NAV1: variants seen among roughly 807,000 people sequenced by gnomAD.
NAV1 encodes the protein pore membrane and/or filament interacting like protein 3.
In NAV1, 18 loss-of-function variants were observed where a neutral mutation model predicts 175.2. The ratio of observed to expected loss-of-function variants is 0.10; its 90% CI spans 0.07 to 0.15. The LOEUF is 0.15. NAV1 is among the 10% of genes least tolerant of loss of function. NAV1 has a pLI of 1.00. For missense variants in NAV1, 1,731 were observed against 2,436.6 expected (o/e 0.71, Z 6.10); for synonymous variants, 897 against 978.7 (o/e 0.92, Z 1.56).
chr1:201,765,715 C>T (rs992648284), intron 3 of NAV1, among the ~76,000 whole-genome samples: 6 of 152,136 alleles, frequency 3.9e-5, no homozygotes, highest in African/African-American at 1.4e-4. Flanking sequence ...TTACAAAATT[C>T]GTGGTAGTAA....
intron 3 of NAV1, among the ~76,000 whole-genome samples, chr1:201,746,575 C>T (rs1673780051): frequency 6.6e-6 from 1 of 152,150 alleles, no homozygotes; most frequent in South Asian, 2.1e-4. Flanking sequence ...TGGGGAATAA[C>T]AGTAGCTGGA....
chr1:201,673,800 G>T (rs1457726826), intron 1 of NAV1: 1 of 152,240 alleles, frequency 6.6e-6, no homozygotes, highest in Non-Finnish European at 1.5e-5. Context: ...CCCAAGAGTT[G>T]CACTTTGTAA....
At chr1:201,556,301 C>T (rs1666008774) in intron 1 of NAV1, among the ~76,000 whole-genome samples, 1 of 151,878 alleles carries the variant, frequency 6.6e-6, no homozygotes, top group East Asian at 1.9e-4. Context: ...GTCTGTAGTC[C>T]CAGCTACTCG....
chr1:201,748,318 T>C (rs529906828), intron 3 of NAV1, among the ~76,000 whole-genome samples: 1 of 152,330 alleles, frequency 6.6e-6, no homozygotes, highest in East Asian at 1.9e-4. Context: ...ATGTTTGCCA[T>C]GATATTTCAA....
intron 2 of NAV1, among the ~76,000 whole-genome samples, chr1:201,635,815 C>T (rs967591993): frequency 2.0e-5 from 3 of 152,222 alleles, no homozygotes; most frequent in Non-Finnish European, 4.4e-5. Context: ...AAATCCCAAC[C>T]CCTTGTTTAG....
At chr1:201,562,715 G>A (rs985374703) in intron 1 of NAV1, among the ~76,000 whole-genome samples, 9 of 152,186 alleles carry the variant, frequency 5.9e-5, no homozygotes, top group African/African-American at 1.9e-4. Context: ...GCAGAATGTG[G>A]CATCTCTTTC....
chr1:201,543,323 A>T (rs1557989748), intron 1 of NAV1, among the ~76,000 whole-genome samples: 2 of 150,380 alleles, frequency 1.3e-5, no homozygotes, highest in Non-Finnish European at 3.0e-5. Context: ...TTTTCTAATC[A>T]TTTTTTTTTA....
intron 1 of NAV1, among the ~76,000 whole-genome samples, chr1:201,546,420 A>G (rs1272988837): frequency 6.6e-6 from 1 of 152,212 alleles, no homozygotes; most frequent in Non-Finnish European, 1.5e-5. Context: ...AAAGGGCCAC[A>G]TGACAGTTAA....
chr1:201,636,431 T>C (rs987076571), intron 2 of NAV1, among the ~76,000 whole-genome samples: 1 of 152,092 alleles, frequency 6.6e-6, no homozygotes, highest in African/African-American at 2.4e-5. Context: ...ACAGACACAA[T>C]AGCCAGAGAG....
intron 3 of NAV1, among the ~76,000 whole-genome samples, chr1:201,732,897 C>T (rs1312646443): frequency 6.6e-6 from 1 of 151,990 alleles, no homozygotes; most frequent in Admixed American, 6.6e-5. Flanking sequence ...ATGGCGGAAC[C>T]CTGTGTCTAC....
chr1:201,579,531 T>A (rs1431091408), intron 1 of NAV1, among the ~76,000 whole-genome samples: 1 of 152,116 alleles, frequency 6.6e-6, no homozygotes, highest in African/African-American at 2.4e-5. Context: ...AATTTTTGTA[T>A]TTTTAGTAGA....
chr1:201,608,132 T>C (rs377193159), intron 2 of NAV1, among the ~76,000 whole-genome samples: 1 of 152,186 alleles, frequency 6.6e-6, no homozygotes, highest in Admixed American at 6.5e-5. Context: ...CCACACATTA[T>C]TTTTTTCCAC....
At position 201,812,700 on chromosome 1, in the gene NAV1, CT is replaced by C; in HGVS notation, c.5221+41del. The C allele has an allele frequency of 6.3e-7, 1 of 1,579,324 alleles. No individual in the cohort carries two copies. The highest frequency in any genetic ancestry group is 8.7e-7 in the Non-Finnish European group (1 of 1,150,892). On this transcript the variant is annotated intron_variant, in intron 27 of 29. Transcript: ENST00000367296. The surrounding 1 kb of genome is among the most constrained non-coding windows in gnomAD (Gnocchi z 4.6). Reference sequence around the variant, plus strand: ...GCTTCCCCCGGGGGTCAGGAGGTGGCTTCCCTTTTCCACTGTACCACCTGGA... The same window carrying C: ...GCTTCCCCCGGGGGTCAGGAGGTGGCTCCCTTTTCCACTGTACCACCTGGA...
chr1:201,653,462 TATTCA>T (rs1669282753), intron 1 of NAV1, among the ~76,000 whole-genome samples: 1 of 151,862 alleles, frequency 6.6e-6, no homozygotes, highest in Non-Finnish European at 1.5e-5. Flanking sequence ...GGCAGGAAGC[TATTCA>T]TTTCTAAGCC....
At chr1:201,603,721 G>A (rs1025301039) in intron 2 of NAV1, among the ~76,000 whole-genome samples, 1 of 152,120 alleles carries the variant, frequency 6.6e-6, no homozygotes, top group East Asian at 1.9e-4. Flanking sequence ...CATCTACCGG[G>A]TCAGTGAGGG....
At position 201,556,461 on chromosome 1, in the gene NAV1, T is replaced by A. The variant is rs75095663; in HGVS notation, c.-144+17119T>A. 9.5e-3 allele frequency among the ~76,000 whole-genome samples: 1,443 copies of A among 151,186 alleles called. 19 individuals carry two copies. The highest frequency in any genetic ancestry group is 0.033 in the African/African-American group (1,356 of 41,298). ...AAGGTCTGGTAAGCAAACCAGTGAT[T>A]ACACCCCAGTTGTAATAGCTCAGGA... is the stretch of plus-strand genomic sequence containing the variant. On this transcript the variant is annotated intron_variant, in intron 1 of 33. Coordinates refer to the NAV1 transcript ENST00000685211.
rs1677998570 is a variant in NAV1, at chr1:201,802,554, G to A, written c.3518-1039G>A. On this transcript the variant is annotated intron_variant, in intron 15 of 29. Transcript: ENST00000367296. The stretch of plus-strand genomic sequence containing the variant: ...CCAGCACTTTGGGAGGCTGAGGTGG[G>A]TGGATCATGAGGTCAGAAGTTCAAG... Among the ~76,000 whole-genome samples, 2 of 151,400 alleles carry A rather than the reference G, an allele frequency of 1.3e-5. 1 individual carries two copies. The highest frequency in any genetic ancestry group is 4.2e-4 in the South Asian group (2 of 4,790).
intron 3 of NAV1, among the ~76,000 whole-genome samples, chr1:201,758,580 C>T (rs995425432): frequency 5.9e-5 from 9 of 152,158 alleles, no homozygotes; most frequent in East Asian, 5.8e-4. Context: ...ACTACTGAGG[C>T]GCAAGGTAGA....
chr1:201,657,919 G>C (rs1410465648), intron 1 of NAV1, among the ~76,000 whole-genome samples: 7 of 152,158 alleles, frequency 4.6e-5, no homozygotes, highest in Non-Finnish European at 1.0e-4. Context: ...TGTAGTCCCA[G>C]CTACTTGGGA....
Sources: gnomAD v4.1 joint callset for allele counts (sites outside exome capture counted in the v4.1 genomes callset) on GRCh38, gnomAD v4.1.1 for gene constraint, Gnocchi (gnomAD v3.1) non-coding constraint, MANE v1.5 for transcripts, NCBI Gene and HGNC (gene_info 2026-07-23, HGNC 2026-07-21) for gene names.